NCDN: variants seen among roughly 807,000 people sequenced by gnomAD.
NCDN encodes neurochondrin.
Under a neutral mutation model 60.7 loss-of-function variants are expected in NCDN, and 9 were observed. That is an observed-to-expected ratio of 0.15 (90% CI 0.09 to 0.26). The LOEUF is 0.26. Among genes scored for constraint, NCDN ranks in the 10% least tolerant of loss-of-function variants. NCDN has a pLI of 1.00. For synonymous variants in NCDN, 409 were observed against 442.5 expected (o/e 0.92, Z 0.95); for missense variants, 578 against 975.2 (o/e 0.59, Z 5.42).
chr1:35,558,290 C>T lies in NCDN; in HGVS notation c.33+67C>T. 2 of 1,606,706 alleles carry T rather than the reference C, an allele frequency of 1.2e-6. No individual in the cohort carries two copies. Among genetic ancestry groups the T allele is most frequent in the Non-Finnish European group, 1.7e-6 (2 of 1,174,884 alleles). On this transcript the variant is annotated intron_variant, in intron 1 of 6. Coordinates refer to ENST00000373243, the MANE Select transcript of NCDN (RefSeq NM_014284.3). The surrounding 1 kb of genome is among the most constrained non-coding windows in gnomAD (Gnocchi z 6.3). ...ATCTCAGCAGCCCTGCTTCGATTATCCGGCTTTTGGATTCTCCGTTGTCCT... is the reference window on the plus strand; with the variant it reads ...ATCTCAGCAGCCCTGCTTCGATTATTCGGCTTTTGGATTCTCCGTTGTCCT...
rs760286139 is a variant in NCDN at position 35,561,223 on chromosome 1, G to A, written c.1072G>A (p.Glu358Lys). ...TCGCTGTGAGCAGTCACTGCTTAAG[G>A]AGCCACAGAAGGTGCAGCTCGTGAG... is the stretch of plus-strand genomic sequence containing the variant. Reference protein sequence around the residue: ...CTRCEQSLLKEPQKVQLVSVM... With the variant: ...CTRCEQSLLKKPQKVQLVSVM... Residue 358 changes from glutamate to lysine, a missense_variant, in exon 3 of 7, where the codon GAG becomes AAG. Physicochemically the swap from Glu to Lys is moderately conservative, Grantham distance 56. This residue lies in a region of NCDN where 363 missense variants were observed against 583.6 expected (regional missense o/e 0.62). Transcript: ENST00000373243. The surrounding 1 kb of genome is among the most constrained non-coding windows in gnomAD (Gnocchi z 4.9). 8 of 1,611,366 alleles carry A rather than the reference G, an allele frequency of 5.0e-6. No homozygotes were observed. The highest frequency in any genetic ancestry group is 6.8e-6 in the Non-Finnish European group (8 of 1,179,196).
At position 35,563,089 on chromosome 1, in the gene NCDN, ATG is replaced by A; in HGVS notation, c.1386-109_1386-108del. 5.1e-6 allele frequency: 5 copies of A among 984,920 alleles called. No homozygotes were observed. The highest frequency in any genetic ancestry group is 7.3e-6 in the Non-Finnish European group (5 of 682,874). 61.0% of individuals were successfully genotyped at this position (984,920 alleles called of 1,614,324 possible). A position where few individuals can be genotyped will look rare whatever the true frequency, so the allele number is the denominator to read the frequency against. On this transcript the variant is annotated intron_variant, in intron 4 of 6. Coordinates refer to ENST00000373243, the MANE Select transcript of NCDN (RefSeq NM_014284.3). The surrounding 1 kb of genome is among the most constrained non-coding windows in gnomAD (Gnocchi z 6.6). ...TACTTTTTCTGTGGTACCTGCGAGG[ATG>A]TGTCCTTCTCCCCTACTTCCATTTC... is the stretch of plus-strand genomic sequence containing the variant.
Position 35,560,374 on chromosome 1 carries a change from C to T in NCDN, c.223C>T (p.Arg75Trp). 5 of 1,613,990 alleles carry T rather than the reference C, an allele frequency of 3.1e-6. No homozygotes were observed. Among genetic ancestry groups the T allele is most frequent in the Non-Finnish European group, 4.2e-6 (5 of 1,180,040 alleles). ...AGDIDAKTRR[R>W]IFDAVGFTFP... The stretch of plus-strand genomic sequence containing the variant: ...TGACATAGATGCCAAAACTCGGCGG[C>T]GGATCTTCGATGCTGTCGGCTTCAC... Residue 75 changes from arginine (R) to tryptophan (W), a missense_variant, in exon 3 of 7, where the codon CGG becomes TGG. Arg to Trp is a moderately radical substitution (Grantham distance 101). Transcript: ENST00000373243. The surrounding 1 kb of genome is among the most constrained non-coding windows in gnomAD (Gnocchi z 7.6).
Position 35,565,575 on chromosome 1 carries a change from G to T in NCDN, c.2102G>T (p.Cys701Phe). The T allele has an allele frequency of 6.4e-7, 1 of 1,563,942 alleles. No homozygotes were observed. Among genetic ancestry groups the T allele is most frequent in the East Asian group, 2.4e-5 (1 of 42,288 alleles). Residue 701 changes from cysteine to phenylalanine, a missense_variant, in exon 7 of 7, where the codon TGC becomes TTC. Transcript: ENST00000373243. The surrounding 1 kb of genome is among the most constrained non-coding windows in gnomAD (Gnocchi z 8.9). The stretch of plus-strand genomic sequence containing the variant: ...GAGCTGGCGCGGGCCAACCGGCTGT[G>T]CCGGGAGGCCATGAGGCTGCAGGCG... Reference protein sequence around the residue: ...LVELARANRLCREAMRLQAGE... With the variant: ...LVELARANRLFREAMRLQAGE...
In NCDN at chr1:35,565,109, A is replaced by T. The variant is rs185815916; in HGVS notation, c.1754-118A>T. ...TCTAAGGCAGGGTTTCAACGCAGGC[A>T]GTCTGATTCCAGGCTGTGCCCTGGC... On this transcript the variant is annotated intron_variant, in intron 6 of 6. Coordinates refer to ENST00000373243, the MANE Select transcript of NCDN (RefSeq NM_014284.3). This position sits in a 1 kb window ranked among gnomAD's most constrained non-coding sequence, Gnocchi z 8.9. 56 of 1,010,822 alleles carry T rather than the reference A, an allele frequency of 5.5e-5. No homozygotes were observed. The African/African-American group carries it at 8.5e-4, about 15-fold the overall frequency. The allele number at this position is 1,010,822 out of a possible 1,614,324, so 62.6% of individuals were successfully genotyped here. A position where few individuals can be genotyped will look rare whatever the true frequency, so the allele number is the denominator to read the frequency against.
chr1:35,563,147 T>C lies in NCDN; in HGVS notation c.1386-55T>C, dbSNP rs1460548932. On this transcript the variant is annotated intron_variant, in intron 4 of 6. Transcript: ENST00000373243. The surrounding 1 kb of genome is among the most constrained non-coding windows in gnomAD (Gnocchi z 6.6). Reference sequence around the variant, plus strand: ...GGCAAGGTGCCCTAAAAAGGGAATCTATGTGCCTTCATCTCTCCCAATCCC... The same window carrying C: ...GGCAAGGTGCCCTAAAAAGGGAATCCATGTGCCTTCATCTCTCCCAATCCC... 2.0e-5 allele frequency: 30 copies of C among 1,498,114 alleles called. No individual in the cohort carries two copies. Among genetic ancestry groups the C allele is most frequent in the Non-Finnish European group, 2.7e-5 (30 of 1,105,130 alleles). The allele number at this position is 1,498,114 out of a possible 1,614,324, so 92.8% of individuals were successfully genotyped here. A position where few individuals can be genotyped will look rare whatever the true frequency, so the allele number is the denominator to read the frequency against.
At position 35,565,709 on chromosome 1, in the gene NCDN, G is replaced by C. The variant is rs1341651963; in HGVS notation, c.*46G>C. On this transcript the variant is annotated 3_prime_UTR_variant, in exon 7 of 7. Coordinates refer to ENST00000373243, the MANE Select transcript of NCDN (RefSeq NM_014284.3). This position sits in a 1 kb window ranked among gnomAD's most constrained non-coding sequence, Gnocchi z 8.9. ...ACCCAGGGGCGGGCAGAGAGGGAAGGAGGGAGGAGGCATCTTCCCTGAAGC... is the reference window on the plus strand; with the variant it reads ...ACCCAGGGGCGGGCAGAGAGGGAAGCAGGGAGGAGGCATCTTCCCTGAAGC... 4 of 1,492,010 alleles carry C rather than the reference G, an allele frequency of 2.7e-6. No homozygotes were observed. Among genetic ancestry groups the C allele is most frequent in the Non-Finnish European group, 3.6e-6 (4 of 1,119,334 alleles). The allele number at this position is 1,492,010 out of a possible 1,614,324, so 92.4% of individuals were successfully genotyped here.
Position 35,561,222 on chromosome 1 carries a change from G to T in NCDN, c.1071G>T (p.Lys357Asn). ...ECTRCEQSLLKEPQKVQLVSV... is the reference protein window; with the variant it reads ...ECTRCEQSLLNEPQKVQLVSV... ...CTCGCTGTGAGCAGTCACTGCTTAA[G>T]GAGCCACAGAAGGTGCAGCTCGTGA... The change falls in exon 3 of 7, where the codon AAG becomes AAT. Residue 357 changes from lysine (K) to asparagine (N), a missense_variant. Coordinates refer to ENST00000373243, the MANE Select transcript of NCDN (RefSeq NM_014284.3). This position sits in a 1 kb window ranked among gnomAD's most constrained non-coding sequence, Gnocchi z 4.9. 1 of 1,611,408 alleles carries T rather than the reference G, an allele frequency of 6.2e-7. No homozygotes were observed. Among genetic ancestry groups the T allele is most frequent in the Non-Finnish European group, 8.5e-7 (1 of 1,179,140 alleles).
Position 35,560,451 on chromosome 1 carries a change from C to T in NCDN, c.300C>T (p.Asp100=), listed in dbSNP as rs750473844. ...AGGAGGCGCCGGATGGCTGCCCTGA[C>T]CATGTTCTGCGGGCTTTGGGTGTGG... ...TTKEAPDGCP[D]HVLRALGVAL... Residue 100 remains aspartate (D), a synonymous_variant, in exon 3 of 7, where the codon GAC becomes GAT. Coordinates refer to ENST00000373243, the MANE Select transcript of NCDN (RefSeq NM_014284.3). This position sits in a 1 kb window ranked among gnomAD's most constrained non-coding sequence, Gnocchi z 7.6. 6.2e-7 allele frequency: 1 copy of T among 1,614,050 alleles called. No homozygotes were observed. The highest frequency in any genetic ancestry group is 1.1e-5 in the South Asian group (1 of 91,084).
chr1:35,566,333 C>A lies in NCDN; in HGVS notation c.*670C>A. Reference sequence around the variant, plus strand: ...AGTCTTTGGGCCCAGATCTTTAAACCTTTGTGTCGTGTTGCAGCAGAGTGA... The same window carrying A: ...AGTCTTTGGGCCCAGATCTTTAAACATTTGTGTCGTGTTGCAGCAGAGTGA... On this transcript the variant is annotated 3_prime_UTR_variant, in exon 7 of 7. Coordinates refer to ENST00000373243, the MANE Select transcript of NCDN (RefSeq NM_014284.3). This position sits in a 1 kb window ranked among gnomAD's most constrained non-coding sequence, Gnocchi z 5.3. The A allele has an allele frequency of 5.5e-6, 1 of 182,020 alleles. No homozygotes were observed. Among genetic ancestry groups the A allele is most frequent in the Non-Finnish European group, 1.2e-5 (1 of 86,270 alleles). The allele number at this position is 182,020 out of a possible 1,614,324, so 11.3% of individuals were successfully genotyped here.
intron 2 of NCDN, among the ~76,000 whole-genome samples, chr1:35,559,562 G>A (rs1648628454): frequency 6.6e-6 from 1 of 152,156 alleles, no homozygotes; most frequent in Admixed American, 6.5e-5. Context: ...CTTGAGGGCT[G>A]GGGATGGTTG....
chr1:35,564,228 C>G (rs955479012), intron 6 of NCDN, among the ~76,000 whole-genome samples: 1 of 152,214 alleles, frequency 6.6e-6, no homozygotes, highest in African/African-American at 2.4e-5. Flanking sequence ...GAGCCGCCCC[C>G]ACCCAGGCCT....
In NCDN at chr1:35,558,418, T is replaced by TCTG. The variant is rs771151222; in HGVS notation, c.33+203_33+205dup. On this transcript the variant is annotated intron_variant, in intron 1 of 6. Transcript: ENST00000373243. The surrounding 1 kb of genome is among the most constrained non-coding windows in gnomAD (Gnocchi z 6.3). The stretch of plus-strand genomic sequence containing the variant: ...AGAAGAGGGAGCGCAAGGGGTTAAT[T>TCTG]CTGCTGCTGCCGCCGCCGCTGCTGC... 6.2e-6 allele frequency: 9 copies of TCTG among 1,450,892 alleles called. No individual in the cohort carries two copies. The highest frequency in any genetic ancestry group is 5.7e-5 in the African/African-American group (4 of 69,652). 89.9% of individuals were successfully genotyped at this position (1,450,892 alleles called of 1,614,324 possible).
Position 35,566,663 on chromosome 1 carries a change from ACACACACACACACACACT to A in NCDN, c.*1002_*1019del. On this transcript the variant is annotated 3_prime_UTR_variant, in exon 7 of 7. Transcript: ENST00000373243. This position sits in a 1 kb window ranked among gnomAD's most constrained non-coding sequence, Gnocchi z 5.3. Reference sequence around the variant, plus strand: ...CACACACACACACACACACACACACACACACACACACACACACTCTTGATCCCTTGCTTCCCTCCCCCA... The same window carrying A: ...CACACACACACACACACACACACACACTTGATCCCTTGCTTCCCTCCCCCA... The A allele has an allele frequency of 4.8e-6, 2 of 413,282 alleles. No individual in the cohort carries two copies. The highest frequency in any genetic ancestry group is 9.7e-6 in the Non-Finnish European group (2 of 205,178). 25.6% of individuals were successfully genotyped at this position (413,282 alleles called of 1,614,324 possible).
chr1:35,565,016 A>G lies in NCDN; in HGVS notation c.1754-211A>G, dbSNP rs1648825991. Among the ~76,000 whole-genome samples the G allele has an allele frequency of 1.3e-5, 2 of 152,158 alleles. No individual in the cohort carries two copies. The highest frequency in any genetic ancestry group is 1.9e-4 in the East Asian group (1 of 5,198). ...ACAACAAATTTCTAAGATGAGCACT[A>G]TTGGCCCATTTTACAAGTAAAGAAA... On this transcript the variant is annotated intron_variant, in intron 6 of 6. Coordinates refer to ENST00000373243, the MANE Select transcript of NCDN (RefSeq NM_014284.3). The surrounding 1 kb of genome is among the most constrained non-coding windows in gnomAD (Gnocchi z 8.9).
Position 35,562,044 on chromosome 1 carries a change from G to C in NCDN, c.1144-348G>C, listed in dbSNP as rs1429662125. Among the ~76,000 whole-genome samples, 1 of 152,174 alleles carries C rather than the reference G, an allele frequency of 6.6e-6. No individual in the cohort carries two copies. The highest frequency in any genetic ancestry group is 2.4e-5 in the African/African-American group (1 of 41,442). On this transcript the variant is annotated intron_variant, in intron 3 of 6. Coordinates refer to ENST00000373243, the MANE Select transcript of NCDN (RefSeq NM_014284.3). The surrounding 1 kb of genome is among the most constrained non-coding windows in gnomAD (Gnocchi z 6.8). ...GTAAAGGGTGTTTAACTTAGCTTTT[G>C]ACCTATGAATTTCCTTCTAGCCTTG...
Position 35,561,451 on chromosome 1 carries a change from A to G in NCDN, c.1143+157A>G, listed in dbSNP as rs977795450. ...CACTCCAGGGAGTAGTGTGCGGCCC[A>G]ACCTCCCTCTCTCTCCCTCCCTCCA... is the stretch of plus-strand genomic sequence containing the variant. On this transcript the variant is annotated intron_variant, in intron 3 of 6. Transcript: ENST00000373243. The surrounding 1 kb of genome is among the most constrained non-coding windows in gnomAD (Gnocchi z 4.9). Among the ~76,000 whole-genome samples the G allele has an allele frequency of 6.6e-6, 1 of 151,706 alleles. No homozygotes were observed. Among genetic ancestry groups the G allele is most frequent in the African/African-American group, 2.4e-5 (1 of 41,274 alleles).
Position 35,561,248 on chromosome 1 carries a change from G to T in NCDN, c.1097G>T (p.Ser366Ile). Residue 366 changes from serine (S) to isoleucine (I), a missense_variant, in exon 3 of 7, where the codon AGC (serine) becomes ATC (isoleucine). By Grantham distance (142) the Ser-to-Ile change is moderately radical (BLOSUM62 -2). Coordinates refer to ENST00000373243, the MANE Select transcript of NCDN (RefSeq NM_014284.3). This position sits in a 1 kb window ranked among gnomAD's most constrained non-coding sequence, Gnocchi z 4.9. ...LKEPQKVQLV[S>I]VMKEAIGAVI... is the part of the protein sequence containing the mutation. ...GAGCCACAGAAGGTGCAGCTCGTGA[G>T]CGTCATGAAGGAGGCCATAGGGGCT... 6.2e-7 allele frequency: 1 copy of T among 1,610,526 alleles called. No individual in the cohort carries two copies.
Position 35,558,392 on chromosome 1 carries a change from G to T in NCDN, c.33+169G>T. The T allele has an allele frequency of 6.7e-7, 1 of 1,490,614 alleles. No individual in the cohort carries two copies. The highest frequency in any genetic ancestry group is 2.4e-5 in the East Asian group (1 of 41,150). The allele number at this position is 1,490,614 out of a possible 1,614,324, so 92.3% of individuals were successfully genotyped here. ...AGGCTGGTAGCGGGACGGGGAGGGC[G>T]AGAAGAGGGAGCGCAAGGGGTTAAT... On this transcript the variant is annotated intron_variant, in intron 1 of 6. Transcript: ENST00000373243. This position sits in a 1 kb window ranked among gnomAD's most constrained non-coding sequence, Gnocchi z 6.3.
Sources: gnomAD v4.1 joint callset for allele counts (sites outside exome capture counted in the v4.1 genomes callset) on GRCh38, gnomAD v4.1.1 for gene constraint, gnomAD v4.1.1 regional missense constraint, Gnocchi (gnomAD v3.1) non-coding constraint, MANE v1.5 for transcripts, NCBI Gene and HGNC (gene_info 2026-07-23, HGNC 2026-07-21) for gene names.